The following MKI67 variants were observed in gnomAD, a reference collection of about 807,000 sequenced individuals.
The protein encoded by MKI67 is proliferation marker protein Ki-67.
Under a neutral mutation model 233.5 loss-of-function variants are expected in MKI67, and 152 were observed. That is an observed-to-expected ratio of 0.65 (90% CI 0.57 to 0.74). The LOEUF is 0.74. MKI67 is among the 30% of genes least tolerant of loss of function. The pLI, the probability that MKI67 is intolerant of heterozygous loss-of-function variation, is 0.00. For synonymous variants in MKI67, 1,465 were observed against 1,418.5 expected, an observed-to-expected ratio of 1.03 and a Z score of -0.74; for missense variants, 3,940 against 3,885.2, an observed-to-expected ratio of 1.01 and a Z score of -0.37.
At chr10:128,114,620 C>A (rs1852756779) in intron 7 of MKI67, among the ~76,000 whole-genome samples, 1 of 152,056 alleles carries the variant, frequency 6.6e-6, no homozygotes, top group Non-Finnish European at 1.5e-5. Context: ...TATGATTATT[C>A]TCTTTTCTAT....
intron 11 of MKI67, 79 bp downstream of exon 11, chr10:128,111,566 A>C (rs991257539): frequency 7.9e-7 from 1 of 1,270,756 alleles, no homozygotes; most frequent in Non-Finnish European, 1.1e-6. Flanking sequence ...GCAGATAAAC[A>C]AAGTTAGCAA....
intron 7 of MKI67, 83 bp from the exon 8 acceptor site, chr10:128,113,685 C>A: frequency 7.6e-7 from 1 of 1,314,374 alleles, no homozygotes; most frequent in Non-Finnish European, 1.1e-6. Flanking sequence ...GCATTAAAGA[C>A]AAACCAAGTG....
Position 128,103,404 on chromosome 10 carries a change from T to C in MKI67, c.8436A>G (p.Glu2812=), listed in dbSNP as rs1349702200. The C allele has an allele frequency of 6.2e-6, 10 of 1,613,764 alleles. No individual in the cohort carries two copies. Among genetic ancestry groups the C allele is most frequent in the Non-Finnish European group, 8.5e-6 (10 of 1,179,996 alleles). Residue 2812 remains glutamate, a synonymous_variant, in exon 13 of 15, where the codon GAA becomes GAG. Transcript: ENST00000368654. ...TGGTTTTGTCATCAGTCATTGATTC[T>C]TCAGTGTGACCTGCTGCTGGGTCTT... ...GFKDPAAGHT[E]ESMTDDKTTK... is the part of the protein sequence containing the mutation.
intron 12 of MKI67, among the ~76,000 whole-genome samples, chr10:128,110,065 A>G (rs1425757449): frequency 6.6e-6 from 1 of 152,256 alleles, no homozygotes; most frequent in Non-Finnish European, 1.5e-5. Context: ...AGTAATTTAT[A>G]TGTAAATATG....
intron 11 of MKI67, among the ~76,000 whole-genome samples, chr10:128,110,834 G>A (rs959879820): frequency 1.3e-5 from 2 of 152,220 alleles, no homozygotes; most frequent in Non-Finnish European, 2.9e-5. Flanking sequence ...CTGGAGCACG[G>A]AGGCTGGTGA....
chr10:128,113,337 A>G (rs1852722755), intron 8 of MKI67, 90 bp downstream of exon 8: 6 of 1,338,730 alleles, frequency 4.5e-6, no homozygotes, highest in Admixed American at 2.2e-5. Flanking sequence ...GGTCTTCATC[A>G]TAATTCTACT....
Position 128,097,417 on chromosome 10 carries a change from C to G in MKI67, c.*1773G>C, listed in dbSNP as rs1049611355. ...CCACCCTTAGCGTGCTCTTGAAATACTGTACTTACCAGGGTGAGAAAAGGT... is the reference window on the plus strand; with the variant it reads ...CCACCCTTAGCGTGCTCTTGAAATAGTGTACTTACCAGGGTGAGAAAAGGT... On this transcript the variant is annotated 3_prime_UTR_variant, in exon 15 of 15. Coordinates refer to ENST00000368654, the MANE Select transcript of MKI67 (RefSeq NM_002417.5). 2 of 152,136 alleles carry G rather than the reference C, an allele frequency of 1.3e-5. No homozygotes were observed. Among genetic ancestry groups the G allele is most frequent in the Admixed American group, 1.3e-4 (2 of 15,276 alleles). 9.4% of individuals were successfully genotyped at this position (152,136 alleles called of 1,614,324 possible). A position where few individuals can be genotyped will look rare whatever the true frequency, so the allele number is the denominator to read the frequency against.
In MKI67 at chr10:128,103,346, C is replaced by G. The variant is rs1182485300; in HGVS notation, c.8494G>C (p.Glu2832Gln). 6.2e-7 allele frequency: 1 copy of G among 1,614,132 alleles called. No individual in the cohort carries two copies. Among genetic ancestry groups the G allele is most frequent in the African/African-American group, 1.3e-5 (1 of 75,042 alleles). Reference sequence around the variant, plus strand: ...CTCTTTGAGCTTGTTGCGGTGTCTTCTAGTTCTGGTGATGATTTGCAGGGT... The same window carrying G: ...CTCTTTGAGCTTGTTGCGGTGTCTTGTAGTTCTGGTGATGATTTGCAGGGT... ...KIPCKSSPELEDTATSSKRRP... is the reference protein window; with the variant it reads ...KIPCKSSPELQDTATSSKRRP... The change falls in exon 13 of 15, where the codon GAA becomes CAA. Residue 2832 changes from glutamate to glutamine, a missense_variant. By Grantham distance (29) the Glu-to-Gln change is conservative. Transcript: ENST00000368654.
Position 128,110,150 on chromosome 10 carries a change from C to A in MKI67, c.2416+228G>T, listed in dbSNP as rs759549575. Among the ~76,000 whole-genome samples, 29 of 152,308 alleles carry A rather than the reference C, an allele frequency of 1.9e-4. 1 individual carries two copies. The highest frequency in any genetic ancestry group is 2.1e-4 in the South Asian group (1 of 4,824). ...AAAGAAGCCAAAAGTGTACACAGGT[C>A]ATTTACACACATTAACGGAGTCTTT... On this transcript the variant is annotated intron_variant, in intron 12 of 14. Transcript: ENST00000368654.
At position 128,108,051 on chromosome 10, in the gene MKI67, T is replaced by C. The variant is rs1852561572; in HGVS notation, c.3789A>G (p.Thr1263=). The C allele has an allele frequency of 3.7e-6, 6 of 1,613,936 alleles. No individual in the cohort carries two copies. The East Asian group carries it at 1.1e-4, about 30-fold the overall frequency. ...SPQSDPVDTP[T]STKQRPKRSI... ...TTCTCTTGGGTCGTTGCTTTGTGCTTGTTGGGGTGTCCACTGGGTCTGACT... is the reference window on the plus strand; with the variant it reads ...TTCTCTTGGGTCGTTGCTTTGTGCTCGTTGGGGTGTCCACTGGGTCTGACT... Residue 1263 remains threonine (T), a synonymous_variant, in exon 13 of 15, where the codon ACA becomes ACG. Coordinates refer to ENST00000368654, the MANE Select transcript of MKI67 (RefSeq NM_002417.5).
Position 128,103,500 on chromosome 10 carries a change from T to C in MKI67, c.8340A>G (p.Val2780=), listed in dbSNP as rs1564999219. 2.5e-6 allele frequency: 4 copies of C among 1,612,846 alleles called. No individual in the cohort carries two copies. Among genetic ancestry groups the C allele is most frequent in the Non-Finnish European group, 3.4e-6 (4 of 1,179,668 alleles). The change falls in exon 13 of 15, where the codon GTA becomes GTG. Residue 2780 remains valine (V), a synonymous_variant. Transcript: ENST00000368654. ...AKQTPAPAAS[V]TGSRRRPRAP... ...CTCTTGGCCGTCTCCTGCTGCCAGT[T>C]ACACTTGCTGCTGGAGCCGGTGTCT...
At chr10:128,116,040 G>A (rs1009633885) in intron 6 of MKI67, 33 bp from the exon 7 acceptor site, 6 of 1,528,286 alleles carry the variant, frequency 3.9e-6, no homozygotes, top group Non-Finnish European at 5.2e-6. Context: ...AGAAACAGAA[G>A]TTCAGCATTT....
rs776350175 is a variant in MKI67, at chr10:128,103,206, C to T, written c.8634G>A (p.Glu2878=). Residue 2878 remains glutamate (E), a synonymous_variant, in exon 13 of 15, where the codon GAG becomes GAA. Transcript: ENST00000368654. ...TTHTDKEPVG[E]GKGTKAFKQP... is the part of the protein sequence containing the mutation. ...GCTTAAATGCTTTCGTGCCTTTGCCCTCACCTACCGGCTCTTTGTCGGTGT... is the reference window on the plus strand; with the variant it reads ...GCTTAAATGCTTTCGTGCCTTTGCCTTCACCTACCGGCTCTTTGTCGGTGT... The T allele has an allele frequency of 6.2e-7, 1 of 1,613,796 alleles. No homozygotes were observed. Among genetic ancestry groups the T allele is most frequent in the Non-Finnish European group, 8.5e-7 (1 of 1,179,940 alleles).
rs145162420 is a variant in MKI67, at chr10:128,105,456, C to G, written c.6384G>C (p.Arg2128Ser). Residue 2128 changes from arginine to serine, a missense_variant, in exon 13 of 15, where the codon AGG (arginine) becomes AGC (serine). Coordinates refer to ENST00000368654, the MANE Select transcript of MKI67 (RefSeq NM_002417.5). The part of the protein sequence containing the change: ...RRRPKTPLGK[R>S]DIVEELSALK... ...GGGCTGAGAGCTCTTCCACTATATCCCTTTTCCCCAAAGGTGTTTTGGGCC... is the reference window on the plus strand; with the variant it reads ...GGGCTGAGAGCTCTTCCACTATATCGCTTTTCCCCAAAGGTGTTTTGGGCC... 2.4e-5 allele frequency: 38 copies of G among 1,613,498 alleles called. 1 individual carries two copies. Among genetic ancestry groups the G allele is most frequent in the South Asian group, 1.4e-4 (13 of 91,038 alleles).
Position 128,105,374 on chromosome 10 carries a change from C to T in MKI67, c.6466G>A (p.Gly2156Ser), listed in dbSNP as rs766223566. The part of the protein sequence containing the change: ...TDKVPGDEDK[G>S]INVFRETAKQ... Reference sequence around the variant, plus strand: ...GCAGTTTCCCTGAACACGTTGATGCCTTTATCCTCATCTCCTGGTACTTTG... The same window carrying T: ...GCAGTTTCCCTGAACACGTTGATGCTTTTATCCTCATCTCCTGGTACTTTG... Residue 2156 changes from glycine to serine, a missense_variant, in exon 13 of 15, where the codon GGC becomes AGC. By Grantham distance (56) the Gly-to-Ser change is moderately conservative (BLOSUM62 0). Transcript: ENST00000368654. 1.9e-6 allele frequency: 3 copies of T among 1,614,084 alleles called. No homozygotes were observed. The highest frequency in any genetic ancestry group is 3.3e-5 in the Admixed American group (2 of 60,016).
Position 128,116,491 on chromosome 10 carries a change from C to G in MKI67, c.400G>C (p.Asp134His), listed in dbSNP as rs1209357880. 3.2e-5 allele frequency: 52 copies of G among 1,613,820 alleles called. No homozygotes were observed. Among genetic ancestry groups the G allele is most frequent in the Non-Finnish European group, 4.3e-5 (51 of 1,179,808 alleles). The change falls in exon 6 of 15, where the codon GAT becomes CAT. Residue 134 changes from aspartate (D) to histidine (H), a missense_variant and splice_region_variant. Coordinates refer to ENST00000368654, the MANE Select transcript of MKI67 (RefSeq NM_002417.5). Reference protein sequence around the residue: ...VSRSSFSSDPDEKAQDSKAYS... With the variant: ...VSRSSFSSDPHEKAQDSKAYS... ...GGAACAAAACCCAACCACTACTCAC[C>G]AGGGTCAGAAGAGAAGCTAGATCTT...
rs1209327267 is a variant in MKI67 at position 128,107,989 on chromosome 10, G to A, written c.3851C>T (p.Ala1284Val). Reference sequence around the variant, plus strand: ...TGCTGATGGCATTAGATTCCTGCACGCTAAGAGTTCTCCCTCTACATCTGC... The same window carrying A: ...TGCTGATGGCATTAGATTCCTGCACACTAAGAGTTCTCCCTCTACATCTGC... Reference protein sequence around the residue: ...RKADVEGELLACRNLMPSAGK... With the variant: ...RKADVEGELLVCRNLMPSAGK... The change falls in exon 13 of 15, where the codon GCG (alanine) becomes GTG (valine). Residue 1284 changes from alanine (A) to valine (V), a missense_variant. Physicochemically the swap from Ala to Val is moderately conservative, Grantham distance 64 (BLOSUM62 0). Transcript: ENST00000368654. The A allele has an allele frequency of 5.6e-6, 9 of 1,613,742 alleles. No homozygotes were observed. In the Admixed American group the frequency reaches 6.7e-5, roughly 12 times the overall value.
rs796569414 is a variant in MKI67, at chr10:128,125,439, T to C, written c.92+137A>G. The C allele has an allele frequency of 6.9e-5, 50 of 726,802 alleles. No individual in the cohort carries two copies. The African/African-American group carries it at 8.4e-4, about 12-fold the overall frequency. The allele number at this position is 726,802 out of a possible 1,614,324, so 45.0% of individuals were successfully genotyped here. ...ACAAAAAAACACAACTATGTCAACT[T>C]AGTAACGAATGGGAGAAGCACCAAG... On this transcript the variant is annotated intron_variant, in intron 2 of 14. Coordinates refer to ENST00000368654, the MANE Select transcript of MKI67 (RefSeq NM_002417.5). This position sits in a 1 kb window ranked among gnomAD's most constrained non-coding sequence, Gnocchi z 5.3.
chr10:128,116,480 C>T lies in MKI67; in HGVS notation c.400+11G>A, dbSNP rs1348523804. ...TTCAGGATTCTGGAACAAAACCCAA[C>T]CACTACTCACCAGGGTCAGAAGAGA... On this transcript the variant is annotated intron_variant, in intron 6 of 14. Coordinates refer to ENST00000368654, the MANE Select transcript of MKI67 (RefSeq NM_002417.5). 4 of 1,613,416 alleles carry T rather than the reference C, an allele frequency of 2.5e-6. No homozygotes were observed. The highest frequency in any genetic ancestry group is 1.7e-5 in the Admixed American group (1 of 60,026).
Sources: allele counts gnomAD v4.1 joint callset (sites outside exome capture counted in the v4.1 genomes callset), GRCh38; gene constraint gnomAD v4.1.1; non-coding constraint Gnocchi (gnomAD v3.1); transcripts MANE v1.5; gene names NCBI Gene and HGNC (gene_info 2026-07-23, HGNC 2026-07-21).